The following SCN9A variants were observed in gnomAD, a reference collection of about 807,000 sequenced individuals.
The protein encoded by SCN9A is sodium voltage-gated channel alpha subunit 9, also known as sodium channel protein type 9 subunit alpha.
SCN9A carries 131 observed loss-of-function variants against 187.0 expected under a neutral mutation model. The ratio of observed to expected loss-of-function variants is 0.70; its 90% CI spans 0.61 to 0.81. The LOEUF is 0.81. SCN9A is among the 30% of genes least tolerant of loss of function. The pLI is 0.00. For synonymous variants in SCN9A, 809 were observed against 808.6 expected (o/e 1.00, Z -0.01); for missense variants, 2,252 against 2,396.6 (o/e 0.94, Z 1.26).
chr2:166,316,526 C>A (rs897784024), intron 1 of SCN9A, among the ~76,000 whole-genome samples: 2 of 152,158 alleles, frequency 1.3e-5, no homozygotes, highest in African/African-American at 2.4e-5. Flanking sequence ...AACCCTGTCT[C>A]TACTAAAAGT....
chr2:166,341,611 G>A (rs1327383366), intron 1 of SCN9A, among the ~76,000 whole-genome samples: 1 of 152,184 alleles, frequency 6.6e-6, no homozygotes, highest in East Asian at 1.9e-4. Flanking sequence ...AAGAGTTACT[G>A]GAAACAAACT....
intron 6 of SCN9A, 80 bp downstream of exon 6, chr2:166,304,154 GACAC>G (rs371397187): frequency 6.2e-7 from 1 of 1,611,490 alleles, no homozygotes; most frequent in South Asian, 1.1e-5. Flanking sequence ...ACACAGTGAC[GACAC>G]ACACACAAAC....
At position 166,228,797 on chromosome 2, in the gene SCN9A, C is replaced by T. The variant is rs200566017; in HGVS notation, c.4100G>A (p.Arg1367His). Residue 1367 changes from arginine (R) to histidine (H), a missense_variant, in exon 22 of 27, where the codon CGT becomes CAT. Transcript: ENST00000642356. ...SRFPASQVPN[R>H]SECFALMNVS... is the part of the protein sequence containing the mutation. ...ATTCATAAGGGCAAAACATTCGGAA[C>T]GATTTGGAACTTGACTTGCAGGAAA... 4.2e-5 allele frequency: 68 copies of T among 1,613,838 alleles called. No individual in the cohort carries two copies. The Middle Eastern group carries it at 5.0e-4, about 12-fold the overall frequency.
intron 17 of SCN9A, among the ~76,000 whole-genome samples, chr2:166,264,321 T>C (rs1293405059): frequency 2.0e-5 from 3 of 151,932 alleles, no homozygotes; most frequent in African/African-American, 7.2e-5. Flanking sequence ...GTTTGGAGTG[T>C]GCTTGGAGGG....
chr2:166,366,960 CT>C (rs1160900863), intron 1 of SCN9A, among the ~76,000 whole-genome samples: 1 of 152,174 alleles, frequency 6.6e-6, no homozygotes, highest in Non-Finnish European at 1.5e-5. Flanking sequence ...TCTTGCATTA[CT>C]GATGTTAGAC....
rs960307519 is a variant in SCN9A at position 166,206,435 on chromosome 2, G to A, written c.4399-1971C>T. 2.6e-5 allele frequency among the ~76,000 whole-genome samples: 4 copies of A among 152,132 alleles called. No individual in the cohort carries two copies. In the East Asian group the frequency reaches 5.8e-4, roughly 22 times the overall value. The stretch of plus-strand genomic sequence containing the variant: ...AAGGACGGAAAACCAAACTCTGCAT[G>A]TTCTCACTCATAAGTGGGAGTTGAA... On this transcript the variant is annotated intron_variant, in intron 24 of 26. Transcript: ENST00000642356.
chr2:166,366,800 G>C (rs943605882), intron 1 of SCN9A, among the ~76,000 whole-genome samples: 3 of 152,030 alleles, frequency 2.0e-5, no homozygotes, highest in Admixed American at 6.6e-5. Context: ...TAGAACTCAA[G>C]GGCCAAATTT....
rs1693343500 is a variant in SCN9A at position 166,199,005 on chromosome 2, T to A, written c.5634A>T (p.Glu1878Asp). Residue 1878 changes from glutamate to aspartate, a missense_variant, in exon 27 of 27, where the codon GAA becomes GAT. Glu to Asp is a conservative substitution (Grantham distance 45, BLOSUM62 2). This residue lies in a region of SCN9A where 345 missense variants were observed against 344.6 expected (regional missense o/e 1.00). Coordinates refer to ENST00000642356, the MANE Select transcript of SCN9A (RefSeq NM_001365536.1). ...MSANPSKVSY[E>D]PITTTLKRKQ... Reference sequence around the variant, plus strand: ...TCCGTTTTAGTGTGGTTGTGATGGGTTCATAGGACACTTTGGAAGGATTTG... The same window carrying A: ...TCCGTTTTAGTGTGGTTGTGATGGGATCATAGGACACTTTGGAAGGATTTG... 1.2e-6 allele frequency: 2 copies of A among 1,614,018 alleles called. No homozygotes were observed. The highest frequency in any genetic ancestry group is 1.7e-6 in the Non-Finnish European group (2 of 1,179,970).
intron 24 of SCN9A, among the ~76,000 whole-genome samples, chr2:166,222,938 A>AAAAG: frequency 9.3e-6 from 1 of 107,126 alleles, no homozygotes; most frequent in Admixed American, 8.7e-5. Context: ...CTCAAAAAAA[A>AAAAG]AAACAACAAA....
At chr2:166,244,863 A>C (rs1489302177) in intron 18 of SCN9A, among the ~76,000 whole-genome samples, 2 of 152,068 alleles carry the variant, frequency 1.3e-5, no homozygotes, top group Non-Finnish European at 2.9e-5. Context: ...AAGCACTACA[A>C]ATGAGAGCTT....
chr2:166,243,359 T>C (rs1461371069), intron 18 of SCN9A, among the ~76,000 whole-genome samples: 1 of 152,008 alleles, frequency 6.6e-6, no homozygotes, highest in Non-Finnish European at 1.5e-5. Flanking sequence ...TGATTTCCTT[T>C]CCTCAGTGAA....
intron 2 of SCN9A, among the ~76,000 whole-genome samples, chr2:166,308,710 C>A (rs1020571263): frequency 2.6e-5 from 4 of 152,034 alleles, no homozygotes; most frequent in Admixed American, 2.0e-4. Context: ...AACACAACGT[C>A]AGGAGATCGA....
intron 18 of SCN9A, among the ~76,000 whole-genome samples, chr2:166,245,277 TTG>T (rs1300975869): frequency 4.6e-5 from 7 of 152,010 alleles, no homozygotes; most frequent in African/African-American, 1.4e-4. Context: ...TATTTGTAAA[TTG>T]TGTGTCATAT....
At position 166,238,220 on chromosome 2, in the gene SCN9A, G is replaced by T. The variant is rs77144869; in HGVS notation, c.3675C>A (p.Ile1225=). 1.5e-3 allele frequency: 2,459 copies of T among 1,600,150 alleles called. 52 individuals carry two copies. The East Asian group carries it at 0.042, about 27-fold the overall frequency. The part of the protein sequence containing the change: ...YIERKKTIKI[I]LEYADKIFTY... Reference sequence around the variant, plus strand: ...TGAAGATCTTGTCTGCATACTCCAGGATAATCTTAATGGTCTTTTTCCTTT... The same window carrying T: ...TGAAGATCTTGTCTGCATACTCCAGTATAATCTTAATGGTCTTTTTCCTTT... Residue 1225 remains isoleucine, a synonymous_variant, in exon 20 of 27, where the codon ATC becomes ATA. Transcript: ENST00000642356.
At chr2:166,313,681 G>A (rs2105231416) in intron 1 of SCN9A, among the ~76,000 whole-genome samples, 1 of 152,166 alleles carries the variant, frequency 6.6e-6, no homozygotes, top group East Asian at 1.9e-4. Context: ...AGGCTGTTTT[G>A]TTTTCTTATC....
chr2:166,266,408 A>G (rs1168000278), intron 17 of SCN9A, among the ~76,000 whole-genome samples: 3 of 151,574 alleles, frequency 2.0e-5, no homozygotes, highest in Non-Finnish European at 4.4e-5. Context: ...CTCTATTCTT[A>G]TGTATTGCTC....
chr2:166,256,188 C>T (rs1696266450), intron 17 of SCN9A, among the ~76,000 whole-genome samples: 2 of 151,130 alleles, frequency 1.3e-5, no homozygotes, highest in East Asian at 1.9e-4. Context: ...TTTTTTCCTT[C>T]TGGAGAAATG....
Position 166,197,976 on chromosome 2 carries a change from A to G in SCN9A, c.*696T>C, listed in dbSNP as rs901562416. On this transcript the variant is annotated 3_prime_UTR_variant, in exon 27 of 27. Transcript: ENST00000642356. ...GAAAGAAGAAAGGCTATGAAACACA[A>G]TACTCTAAAGGTAAGTCTTATCCTT... 1 of 152,180 alleles carries G rather than the reference A, an allele frequency of 6.6e-6. No homozygotes were observed. The highest frequency in any genetic ancestry group is 2.4e-5 in the African/African-American group (1 of 41,446). 9.4% of individuals were successfully genotyped at this position (152,180 alleles called of 1,614,324 possible).
chr2:166,302,688 T>G (rs2106521387), intron 7 of SCN9A: 1 of 149,538 alleles, frequency 6.7e-6, no homozygotes, highest in Non-Finnish European at 1.5e-5. Context: ...TATAAAAATC[T>G]ATCATAATAA....
Sources: allele counts gnomAD v4.1 joint callset (sites outside exome capture counted in the v4.1 genomes callset), GRCh38; gene constraint gnomAD v4.1.1; regional missense constraint gnomAD v4.1.1; transcripts MANE v1.5; gene names NCBI Gene and HGNC (gene_info 2026-07-23, HGNC 2026-07-21).